COA8: variants seen among roughly 807,000 people sequenced by gnomAD.
COA8 encodes UPF0671 protein C14orf153.
COA8 carries 20 observed loss-of-function variants against 22.0 expected under a neutral mutation model. The ratio of observed to expected loss-of-function variants is 0.91; its 90% CI spans 0.64 to 1.32. The LOEUF (loss-of-function observed/expected upper bound fraction) is 1.32. Ranked by LOEUF, COA8 falls within the 40% of genes most tolerant of loss-of-function variation. The pLI is 0.00. For synonymous variants in COA8, 105 were observed against 79.9 expected, an observed-to-expected ratio of 1.31 and a Z score of -1.68; for missense variants, 266 against 230.0, an observed-to-expected ratio of 1.16 and a Z score of -1.01.
rs200140217 is a variant in COA8, at chr14:103,578,192, C to CA, written c.385+4032dup. On this transcript the variant is annotated intron_variant, in intron 3 of 4. Coordinates refer to ENST00000409074, the MANE Select transcript of COA8 (RefSeq NM_001370595.2). ...CTGAGTGACAGAGCCAGACTGTCTCCAAAAAAAAAATTCATGTGGGGAAAC... is the reference window on the plus strand; with the variant it reads ...CTGAGTGACAGAGCCAGACTGTCTCCAAAAAAAAAAATTCATGTGGGGAAAC... Among the ~76,000 whole-genome samples, 61 of 149,118 alleles carry CA rather than the reference C, an allele frequency of 4.1e-4. 1 individual carries two copies. The South Asian group carries it at 0.01, about 25-fold the overall frequency.
At chr14:103,587,500 CTTTTTTTCTTTTT>C (rs2076317169) in intron 4 of COA8, 136 bp downstream of exon 4, 24 of 439,146 alleles carry the variant, frequency 5.5e-5, no homozygotes, top group Middle Eastern at 1.3e-3. Flanking sequence ...TTTTTTTTTT[CTTTTTTTCTTTTT>C]TTTTTTTTTT....
At chr14:103,584,273 C>T (rs2076289517) in intron 3 of COA8, among the ~76,000 whole-genome samples, 1 of 152,180 alleles carries the variant, frequency 6.6e-6, no homozygotes, top group South Asian at 2.1e-4. Flanking sequence ...ATGGAGGTCT[C>T]ATGAGGTAGG....
chr14:103,585,941 C>T (rs2076303595), intron 3 of COA8, among the ~76,000 whole-genome samples: 1 of 145,346 alleles, frequency 6.9e-6, no homozygotes, highest in Admixed American at 7.0e-5. Context: ...GCTGTTGTTG[C>T]CCAGGCTGGA....
intron 1 of COA8, among the ~76,000 whole-genome samples, chr14:103,570,614 T>A (rs1267512005): frequency 6.6e-6 from 1 of 152,042 alleles, no homozygotes; most frequent in Non-Finnish European, 1.5e-5. Flanking sequence ...ATGCCTATAA[T>A]CCCAGCTACT....
intron 4 of COA8, among the ~76,000 whole-genome samples, chr14:103,589,830 C>T (rs1266395604): frequency 4.6e-5 from 7 of 151,774 alleles, no homozygotes; most frequent in Admixed American, 6.6e-5. Context: ...AGGAGAATGG[C>T]GCGAACCCGG....
At chr14:103,589,644 G>A (rs1047529863) in intron 4 of COA8, among the ~76,000 whole-genome samples, 5 of 152,096 alleles carry the variant, frequency 3.3e-5, no homozygotes, top group Non-Finnish European at 5.9e-5. Flanking sequence ...GGCCGGGTGC[G>A]GTGGCTCACA....
At chr14:103,568,611 ATGTGTGTG>A (rs200970154) in intron 1 of COA8, among the ~76,000 whole-genome samples, 25 of 90,646 alleles carry the variant, frequency 2.8e-4, no homozygotes, top group South Asian at 7.0e-4. Context: ...GTATATATAT[ATGTGTGTG>A]TGTATATATA....
intron 4 of COA8, among the ~76,000 whole-genome samples, chr14:103,589,002 G>C (rs571047761): frequency 1.3e-5 from 2 of 152,170 alleles, no homozygotes; most frequent in Admixed American, 6.5e-5. Flanking sequence ...TCTTTCCCTG[G>C]TCTTTGGACA....
chr14:103,585,361 C>T (rs1316838650), intron 3 of COA8, among the ~76,000 whole-genome samples: 2 of 150,776 alleles, frequency 1.3e-5, no homozygotes, highest in African/African-American at 2.4e-5. Flanking sequence ...TACCTGTAAT[C>T]CCAGCTACTC....
At chr14:103,578,884 C>T (rs1017292343) in intron 3 of COA8, among the ~76,000 whole-genome samples, 3 of 152,150 alleles carry the variant, frequency 2.0e-5, no homozygotes, top group Admixed American at 1.3e-4. Flanking sequence ...CTGTGCCAGC[C>T]GCGCCCCTCC....
At chr14:103,582,235 G>A (rs975903878) in intron 3 of COA8, among the ~76,000 whole-genome samples, 2 of 152,158 alleles carry the variant, frequency 1.3e-5, no homozygotes, top group Non-Finnish European at 2.9e-5. Flanking sequence ...CCGCCACCCT[G>A]GATGTGGTTC....
chr14:103,563,056 T>C lies in COA8; in HGVS notation c.55T>C (p.Phe19Leu). The change falls in exon 1 of 5, where the codon TTC becomes CTC. Residue 19 changes from phenylalanine to leucine, a missense_variant. Physicochemically the swap from Phe to Leu is conservative, Grantham distance 22. Coordinates refer to ENST00000409074, the MANE Select transcript of COA8 (RefSeq NM_001370595.2). Reference protein sequence around the residue: ...KTFLPPLCRAFACRGCQLAPE... With the variant: ...KTFLPPLCRALACRGCQLAPE... Reference sequence around the variant, plus strand: ...CTTTCTCCCCCCTCTCTGCCGCGCCTTCGCCTGCCGCGGCTGTCAACTCGC... The same window carrying C: ...CTTTCTCCCCCCTCTCTGCCGCGCCCTCGCCTGCCGCGGCTGTCAACTCGC... 3 of 1,539,226 alleles carry C rather than the reference T, an allele frequency of 1.9e-6. No individual in the cohort carries two copies. The highest frequency in any genetic ancestry group is 2.4e-5 in the South Asian group (2 of 84,464).
rs138065277 is a variant in COA8, at chr14:103,572,926, G to A, written c.321+1106G>A. ...CCCTCCCGAGTAGCTGGGATTACAGGCACACACCTCCGTGCCCAGCTAATT... is the reference window on the plus strand; with the variant it reads ...CCCTCCCGAGTAGCTGGGATTACAGACACACACCTCCGTGCCCAGCTAATT... On this transcript the variant is annotated intron_variant, in intron 2 of 4. Transcript: ENST00000409074. Among the ~76,000 whole-genome samples, 545 of 151,872 alleles carry A rather than the reference G, an allele frequency of 3.6e-3. 4 individuals carry two copies. Among genetic ancestry groups the A allele is most frequent in the African/African-American group, 0.013 (522 of 41,398 alleles).
chr14:103,562,986 C>CA lies in COA8; in HGVS notation c.-15dup. The CA allele has an allele frequency of 6.5e-7, 1 of 1,540,226 alleles. No homozygotes were observed. Among genetic ancestry groups the CA allele is most frequent in the Non-Finnish European group, 8.7e-7 (1 of 1,149,294 alleles). ...CAATGCTGCCGTGCGCCGCGGGAGC[C>CA]AGGGGGCGTGGGGCCATGGTGGTCT... On this transcript the variant is annotated 5_prime_UTR_variant, in exon 1 of 5. Transcript: ENST00000409074.
Position 103,588,159 on chromosome 14 carries a change from A to G in COA8, c.476+795A>G, listed in dbSNP as rs1306416426. The G allele has an allele frequency of 2.3e-5, 8 of 352,596 alleles. No homozygotes were observed. The Admixed American group carries it at 2.9e-4, about 13-fold the overall frequency. The allele number at this position is 352,596 out of a possible 1,614,324, so 21.8% of individuals were successfully genotyped here. ...AAAAAAACGGGTTTTAGCTGGTTAC[A>G]GATAATAATGACCTGTATTTACAGG... On this transcript the variant is annotated intron_variant, in intron 4 of 4. Coordinates refer to ENST00000409074, the MANE Select transcript of COA8 (RefSeq NM_001370595.2).
At chr14:103,588,480 A>AAT (rs926508233) in intron 4 of COA8, among the ~76,000 whole-genome samples, 114 of 143,896 alleles carry the variant, frequency 7.9e-4, no homozygotes, top group South Asian at 1.5e-3. Flanking sequence ...TAATTAAAAA[A>AAT]ATATATATAT....
rs2076183678 is a variant in COA8, at chr14:103,571,479, C to G, written c.124-144C>G. 7.9e-6 allele frequency: 6 copies of G among 764,004 alleles called. No homozygotes were observed. The South Asian group carries it at 9.2e-5, about 12-fold the overall frequency. 47.3% of individuals were successfully genotyped at this position (764,004 alleles called of 1,614,324 possible). On this transcript the variant is annotated intron_variant, in intron 1 of 4. Transcript: ENST00000409074. ...GTGGCTCCTACTTGTAATCCCAGCACTTTGGCTGAGATCACGCCACTACAC... is the reference window on the plus strand; with the variant it reads ...GTGGCTCCTACTTGTAATCCCAGCAGTTTGGCTGAGATCACGCCACTACAC...
At chr14:103,588,053 T>C (rs758293541) in intron 4 of COA8, 4 of 235,958 alleles carry the variant, frequency 1.7e-5, no homozygotes, top group Non-Finnish European at 3.2e-5. Flanking sequence ...AAGGTGGAGG[T>C]TGCGGTGAGC....
intron 1 of COA8, among the ~76,000 whole-genome samples, chr14:103,564,210 G>T (rs570049647): frequency 4.6e-5 from 7 of 151,972 alleles, no homozygotes; most frequent in African/African-American, 1.7e-4. Context: ...TTTCATTTCT[G>T]TTGGGCTGTG....
Sources: allele counts gnomAD v4.1 joint callset (sites outside exome capture counted in the v4.1 genomes callset), GRCh38; gene constraint gnomAD v4.1.1; transcripts MANE v1.5; gene names NCBI Gene and HGNC (gene_info 2026-07-23, HGNC 2026-07-21).